The following ANKS3 variants were observed in gnomAD, a reference collection of about 807,000 sequenced individuals.
ANKS3 encodes ankyrin repeat and SAM domain-containing protein 3.
A neutral mutation model predicts 80.7 loss-of-function variants in ANKS3; 62 were observed. That is an observed-to-expected ratio of 0.77 (90% CI 0.63 to 0.95). ANKS3 has a LOEUF of 0.95. ANKS3 is among the 40% of genes least tolerant of loss of function. The pLI is 0.00. For missense variants in ANKS3, 1,150 were observed against 883.6 expected (o/e 1.30, Z -3.82); for synonymous variants, 489 against 355.3 (o/e 1.38, Z -4.23).
chr16:4,712,173 C>G (rs1469437487), intron 7 of ANKS3, among the ~76,000 whole-genome samples: 3 of 152,036 alleles, frequency 2.0e-5, no homozygotes, highest in African/African-American at 7.3e-5. Context: ...GAGTTCGAGA[C>G]CAGCCTGGCC....
intron 1 of ANKS3, among the ~76,000 whole-genome samples, chr16:4,732,691 A>C (rs1048736315): frequency 4.3e-5 from 6 of 139,712 alleles, no homozygotes; most frequent in African/African-American, 1.6e-4. Context: ...AAAAAAAAAC[A>C]AAAAAAAAAC....
At chr16:4,721,968 T>A (rs907370337) in intron 6 of ANKS3, among the ~76,000 whole-genome samples, 1 of 151,274 alleles carries the variant, frequency 6.6e-6, no homozygotes, top group African/African-American at 2.4e-5. Context: ...AGAAAAATCT[T>A]CATGATTAAG....
chr16:4,705,807 G>C (rs751577056), intron 7 of ANKS3, among the ~76,000 whole-genome samples: 5 of 151,968 alleles, frequency 3.3e-5, no homozygotes, highest in Non-Finnish European at 5.9e-5. Context: ...TCATAAGTCT[G>C]TATTGTTCAT....
chr16:4,721,075 G>A lies in ANKS3; in HGVS notation c.573+3675C>T, dbSNP rs140938930. Among the ~76,000 whole-genome samples the A allele has an allele frequency of 7.6e-3, 1,140 of 150,846 alleles. 14 individuals are homozygous for A. The highest frequency in any genetic ancestry group is 0.026 in the African/African-American group (1,078 of 41,364). Reference sequence around the variant, plus strand: ...AATCCCAGCACTTTGGGAGGCCAAGGTGGGCGGATCACGAGGTCAGGAGAT... The same window carrying A: ...AATCCCAGCACTTTGGGAGGCCAAGATGGGCGGATCACGAGGTCAGGAGAT... On this transcript the variant is annotated intron_variant, in intron 6 of 17. Transcript: ENST00000304283.
chr16:4,699,571 G>A (rs1238073942), intron 11 of ANKS3: 3 of 230,844 alleles, frequency 1.3e-5, no homozygotes, highest in East Asian at 9.8e-5. Context: ...TCTTCTCCGA[G>A]TTCACCTGTC....
intron 6 of ANKS3, among the ~76,000 whole-genome samples, chr16:4,717,011 C>T (rs1391666013): frequency 9.2e-5 from 14 of 151,840 alleles, no homozygotes; most frequent in Admixed American, 9.2e-4. Context: ...ACGGGTGGAT[C>T]ACCTGAGGTC....
intron 3 of ANKS3, 93 bp from the exon 4 acceptor site, chr16:4,727,270 T>C (rs545103430): frequency 2.2e-6 from 3 of 1,342,816 alleles, no homozygotes; most frequent in African/African-American, 2.9e-5. Context: ...GCGGGATGAG[T>C]TGACAGGAAG....
intron 6 of ANKS3, among the ~76,000 whole-genome samples, chr16:4,720,287 C>A (rs577305286): frequency 1.3e-5 from 2 of 149,970 alleles, no homozygotes; most frequent in Non-Finnish European, 3.0e-5. Context: ...CATGGTGAAA[C>A]CCTGTCTCTA....
At chr16:4,714,885 G>A (rs960876593) in intron 6 of ANKS3, among the ~76,000 whole-genome samples, 75 of 151,266 alleles carry the variant, frequency 5.0e-4, no homozygotes, top group African/African-American at 1.7e-3. Flanking sequence ...TCAGCTACTC[G>A]GGAGGCTGAG....
intron 10 of ANKS3, 23 bp downstream of exon 10, chr16:4,701,411 A>T: frequency 6.3e-7 from 1 of 1,575,682 alleles, no homozygotes; most frequent in Non-Finnish European, 8.6e-7. Flanking sequence ...GCTATGGGAG[A>T]CCAAGAAAGA....
chr16:4,714,731 T>G (rs939518459), intron 6 of ANKS3, among the ~76,000 whole-genome samples: 1 of 152,052 alleles, frequency 6.6e-6, no homozygotes, highest in Non-Finnish European at 1.5e-5. Context: ...CGGTGGCTCA[T>G]GCCTGTAATC....
Position 4,701,834 on chromosome 16 carries a change from A to G in ANKS3, c.1009+268T>C, listed in dbSNP as rs566328549. On this transcript the variant is annotated intron_variant, in intron 9 of 17. Transcript: ENST00000304283. The stretch of plus-strand genomic sequence containing the variant: ...AGGTGCAGTTATAACAGACATTCCT[A>G]CTGGGGCCTGCCCTGAAAGCCTCAG... 22 of 501,988 alleles carry G rather than the reference A, an allele frequency of 4.4e-5. No individual in the cohort carries two copies. In the South Asian group the frequency reaches 7.5e-4, roughly 17 times the overall value. 31.1% of individuals were successfully genotyped at this position (501,988 alleles called of 1,614,324 possible).
intron 12 of ANKS3, 52 bp downstream of exon 12, chr16:4,699,000 G>T (rs2079749510): frequency 1.9e-6 from 3 of 1,614,040 alleles, no homozygotes; most frequent in Admixed American, 1.7e-5. Context: ...TACATGAGTG[G>T]GAGTTTGCCC....
In ANKS3 at chr16:4,714,032, G is replaced by C. The variant is rs367808802; in HGVS notation, c.709+19C>G. On this transcript the variant is annotated intron_variant, in intron 7 of 17. Transcript: ENST00000304283. The stretch of plus-strand genomic sequence containing the variant: ...GCAACCAGAGACCCCAGCAGGGCGC[G>C]GCTGGCAGGTGTGGGTACCTGGGCT... 3.1e-5 allele frequency: 50 copies of C among 1,613,524 alleles called. No homozygotes were observed. In the African/African-American group the frequency reaches 5.5e-4, roughly 18 times the overall value.
chr16:4,710,620 G>A (rs1038827498), intron 7 of ANKS3, among the ~76,000 whole-genome samples: 1 of 152,206 alleles, frequency 6.6e-6, no homozygotes, highest in Admixed American at 6.5e-5. Context: ...GAGGTAGAAG[G>A]ATCGTTTTGA....
chr16:4,697,082 G>C lies in ANKS3; in HGVS notation c.1917C>G (p.Thr639=). The change falls in exon 17 of 18, where the codon ACC becomes ACG. Residue 639 remains threonine (T), a synonymous_variant. Transcript: ENST00000304283. The part of the protein sequence containing the change: ...REMGQALCLV[T]QSLEKLQVLN... The stretch of plus-strand genomic sequence containing the variant: ...GCACCTGCAGCTTCTCCAGGCTCTG[G>C]GTCACTAAGCACAGTGCTTGCCCTG... 7.4e-6 allele frequency: 12 copies of C among 1,613,826 alleles called. No individual in the cohort carries two copies. Among genetic ancestry groups the C allele is most frequent in the Non-Finnish European group, 1.0e-5 (12 of 1,179,966 alleles).
intron 13 of ANKS3, 62 bp downstream of exon 13, chr16:4,698,738 T>A (rs2079729163): frequency 6.4e-7 from 1 of 1,553,776 alleles, no homozygotes; most frequent in Non-Finnish European, 8.7e-7. Context: ...ACCTTTTCTG[T>A]CAGAGATGGA....
chr16:4,724,610 A>G (rs958325874), intron 6 of ANKS3, 140 bp downstream of exon 6: 4 of 788,796 alleles, frequency 5.1e-6, no homozygotes, highest in Non-Finnish European at 8.2e-6. Context: ...ACCGGGCGTC[A>G]ATAGATAATG....
intron 3 of ANKS3, 118 bp downstream of exon 3, chr16:4,729,862 G>T (rs2081532667): frequency 9.5e-7 from 1 of 1,050,980 alleles, no homozygotes; most frequent in Non-Finnish European, 1.3e-6. Context: ...AGATAAGCAG[G>T]TTAACCTATT....
Sources: allele counts gnomAD v4.1 joint callset (sites outside exome capture counted in the v4.1 genomes callset), GRCh38; gene constraint gnomAD v4.1.1; transcripts MANE v1.5; gene names NCBI Gene and HGNC (gene_info 2026-07-23, HGNC 2026-07-21).